Variants in LRRC4C observed in about 807,000 individuals in gnomAD.
LRRC4C encodes leucine rich repeat containing 4C.
A neutral mutation model predicts 33.6 loss-of-function variants in LRRC4C; 5 were observed. That is an observed-to-expected ratio of 0.15 (90% CI 0.08 to 0.31). The LOEUF is 0.31. Ranked by LOEUF, LRRC4C falls within the 10% of genes least tolerant of loss-of-function variation. LRRC4C has a pLI of 1.00. For synonymous variants in LRRC4C, 329 were observed against 302.0 expected (o/e 1.09, Z -0.93); for missense variants, 560 against 796.7 (o/e 0.70, Z 3.58).
At chr11:40,179,288 GCCACCACA>G (rs1312293829) in intron 5 of LRRC4C, among the ~76,000 whole-genome samples, 1 of 152,152 alleles carries the variant, frequency 6.6e-6, no homozygotes, top group East Asian at 1.9e-4. Context: ...ATAGGTGCAA[GCCACCACA>G]CCCAGCTGGT....
intron 1 of LRRC4C, among the ~76,000 whole-genome samples, chr11:41,101,378 G>T: frequency 6.6e-6 from 1 of 152,092 alleles, no homozygotes; most frequent in Non-Finnish European, 1.5e-5. Context: ...ATACATGTGG[G>T]CAACAAGCGT....
chr11:40,448,702 A>G (rs943357011), intron 3 of LRRC4C, among the ~76,000 whole-genome samples: 1 of 152,204 alleles, frequency 6.6e-6, no homozygotes, highest in Non-Finnish European at 1.5e-5. Flanking sequence ...TACTGCTGCA[A>G]TAAACATATG....
intron 2 of LRRC4C, among the ~76,000 whole-genome samples, chr11:40,735,430 C>T (rs891366383): frequency 9.6e-5 from 14 of 145,270 alleles, no homozygotes; most frequent in African/African-American, 2.3e-4. Context: ...TTTGTCCTTC[C>T]GATAGTTTGC....
At chr11:40,329,745 T>TC (rs1565279155) in intron 3 of LRRC4C, among the ~76,000 whole-genome samples, 2 of 129,218 alleles carry the variant, frequency 1.5e-5, no homozygotes, top group African/African-American at 5.6e-5. Flanking sequence ...TTCTTTTTTT[T>TC]TTTTTTTTTT....
At chr11:40,169,219 G>A (rs1193865198) in intron 5 of LRRC4C, among the ~76,000 whole-genome samples, 1 of 152,092 alleles carries the variant, frequency 6.6e-6, no homozygotes, top group African/African-American at 2.4e-5. Context: ...TATTCTGAAG[G>A]AGTTCATGGA....
At chr11:40,146,480 T>C (rs111489425) in intron 5 of LRRC4C, among the ~76,000 whole-genome samples, 7 of 152,282 alleles carry the variant, frequency 4.6e-5, no homozygotes, top group African/African-American at 1.7e-4. Flanking sequence ...ATAGGAACTC[T>C]AAAATGGCTA....
At chr11:40,384,331 C>T (rs941946089) in intron 3 of LRRC4C, among the ~76,000 whole-genome samples, 3 of 152,090 alleles carry the variant, frequency 2.0e-5, no homozygotes, top group African/African-American at 7.2e-5. Flanking sequence ...AATCTTCTTT[C>T]TTGTAAACAT....
intron 2 of LRRC4C, among the ~76,000 whole-genome samples, chr11:40,766,122 G>C (rs1949442163): frequency 6.7e-6 from 1 of 149,364 alleles, no homozygotes; most frequent in Admixed American, 6.7e-5. Flanking sequence ...CAATAGATCT[G>C]ACAGCAGACT....
At chr11:40,367,556 CATT>C (rs1446909278) in intron 3 of LRRC4C, among the ~76,000 whole-genome samples, 2 of 152,034 alleles carry the variant, frequency 1.3e-5, no homozygotes, top group Non-Finnish European at 2.9e-5. Context: ...AGAAAAGTGA[CATT>C]AGCTAGAAGG....
intron 2 of LRRC4C, among the ~76,000 whole-genome samples, chr11:40,655,008 G>GT (rs2136174199): frequency 6.6e-6 from 1 of 152,216 alleles, no homozygotes; most frequent in African/African-American, 2.4e-5. Flanking sequence ...CACTATGATT[G>GT]TAAGTTTCCT....
At chr11:40,519,022 T>A (rs1955689986) in intron 3 of LRRC4C, among the ~76,000 whole-genome samples, 1 of 152,018 alleles carries the variant, frequency 6.6e-6, no homozygotes, top group Non-Finnish European at 1.5e-5. Flanking sequence ...TTCTCACTCA[T>A]AAGTGGGAGT....
chr11:40,198,923 C>T (rs1248538090), intron 5 of LRRC4C, among the ~76,000 whole-genome samples: 2 of 152,142 alleles, frequency 1.3e-5, no homozygotes, highest in Admixed American at 1.3e-4. Context: ...AGAGAGAATG[C>T]ACTTTGTGGG....
At chr11:40,627,140 A>C (rs1221450971) in intron 3 of LRRC4C, among the ~76,000 whole-genome samples, 1 of 149,364 alleles carries the variant, frequency 6.7e-6, no homozygotes, top group African/African-American at 2.5e-5. Flanking sequence ...CAAATTGATA[A>C]GCAAATGTAG....
chr11:40,934,613 C>G (rs1476969847), intron 1 of LRRC4C, among the ~76,000 whole-genome samples: 1 of 152,042 alleles, frequency 6.6e-6, no homozygotes, highest in Non-Finnish European at 1.5e-5. Flanking sequence ...GCACCGTTCT[C>G]TCCAGTTTTC....
chr11:40,413,849 A>G (rs528490353), intron 3 of LRRC4C, among the ~76,000 whole-genome samples: 1 of 152,194 alleles, frequency 6.6e-6, no homozygotes, highest in African/African-American at 2.4e-5. Context: ...ATATGCCAAA[A>G]CTACGTTTGA....
At chr11:40,523,055 T>C (rs755538914) in intron 3 of LRRC4C, among the ~76,000 whole-genome samples, 5 of 152,196 alleles carry the variant, frequency 3.3e-5, no homozygotes, top group Non-Finnish European at 1.5e-5. Flanking sequence ...TTTCGTTGCA[T>C]ACTTAACAGA....
At chr11:41,200,308 A>T (rs1466221837) in intron 1 of LRRC4C, among the ~76,000 whole-genome samples, 1 of 152,306 alleles carries the variant, frequency 6.6e-6, no homozygotes, top group East Asian at 1.9e-4. Context: ...GGTTTAAATC[A>T]GAAAATGCTG....
intron 1 of LRRC4C, among the ~76,000 whole-genome samples, chr11:41,241,071 T>C (rs1029146051): frequency 6.6e-6 from 1 of 152,188 alleles, no homozygotes; most frequent in Non-Finnish European, 1.5e-5. Context: ...TTCTGTATAA[T>C]TCACTTTCTT....
intron 3 of LRRC4C, among the ~76,000 whole-genome samples, chr11:40,325,181 C>T (rs143213190): frequency 7.5e-4 from 114 of 152,242 alleles, no homozygotes; most frequent in African/African-American, 2.4e-3. Flanking sequence ...AACATATTCA[C>T]GCCATTTCCT....
Sources: gnomAD v4.1 joint callset for allele counts (sites outside exome capture counted in the v4.1 genomes callset) on GRCh38, gnomAD v4.1.1 for gene constraint, MANE v1.5 for transcripts, NCBI Gene and HGNC (gene_info 2026-07-23, HGNC 2026-07-21) for gene names.